PEX6: variants seen among roughly 807,000 people sequenced by gnomAD.
The protein encoded by PEX6 is peroxisomal biogenesis factor 6, also known as peroxisome biogenesis factor 6.
A neutral mutation model predicts 85.6 loss-of-function variants in PEX6; 55 were observed. The observed-to-expected ratio is 0.64, with a 90% CI of 0.52 to 0.80. The LOEUF is 0.80. Ranked by LOEUF, PEX6 falls within the 30% of genes least tolerant of loss-of-function variation. The pLI is 0.00. For synonymous variants in PEX6, 519 were observed against 549.1 expected (o/e 0.95, Z 0.77); for missense variants, 1,099 against 1,260.3 (o/e 0.87, Z 1.94).
At position 42,969,583 on chromosome 6, in the gene PEX6, T is replaced by C. The variant is rs775573944; in HGVS notation, c.1367+85A>G. ...TCCCAATCCCACTCTGGCCAGTTCATTAGGAACTACCCATCTGGCTGCTGC... is the reference window on the plus strand; with the variant it reads ...TCCCAATCCCACTCTGGCCAGTTCACTAGGAACTACCCATCTGGCTGCTGC... On this transcript the variant is annotated intron_variant, in intron 5 of 16. Transcript: ENST00000304611. 8 of 1,554,934 alleles carry C rather than the reference T, an allele frequency of 5.1e-6. No individual in the cohort carries two copies. In the Admixed American group the frequency reaches 1.0e-4, roughly 19 times the overall value.
Position 42,968,251 on chromosome 6 carries a change from G to C in PEX6, c.1688+39C>G, listed in dbSNP as rs1561822319. 2.5e-6 allele frequency: 4 copies of C among 1,569,962 alleles called. No homozygotes were observed. The Admixed American group carries it at 6.7e-5, about 26-fold the overall frequency. On this transcript the variant is annotated intron_variant, in intron 7 of 16. Transcript: ENST00000304611. ...AAGTGTGAGCCACCGCGCCCAGCCG[G>C]CCCCCCCAGCTTTGAGAGGCCCAGC...
rs1260281691 is a variant in PEX6, at chr6:42,964,823, C to G, written c.2773G>C (p.Ala925Pro). 2 of 1,614,026 alleles carry G rather than the reference C, an allele frequency of 1.2e-6. No individual in the cohort carries two copies. The highest frequency in any genetic ancestry group is 1.3e-5 in the African/African-American group (1 of 74,902). Reference protein sequence around the residue: ...YSLCSDAMTAALKRRVHDLEE... With the variant: ...YSLCSDAMTAPLKRRVHDLEE... ...AGGTCATGAACCCTGCGTTTGAGGG[C>G]AGCTGTCATAGCATCAGAGCAGAGA... is the stretch of plus-strand genomic sequence containing the variant. Residue 925 changes from alanine (A) to proline (P), a missense_variant, in exon 16 of 17, where the codon GCC (alanine) becomes CCC (proline). By Grantham distance (27) the Ala-to-Pro change is conservative. Around this residue, in one of 3 missense-constraint regions of PEX6, gnomAD observed 514 missense variants for 627.0 expected, o/e 0.82. Coordinates refer to ENST00000304611, the MANE Select transcript of PEX6 (RefSeq NM_000287.4). The surrounding 1 kb of genome is among the most constrained non-coding windows in gnomAD (Gnocchi z 4.6).
At position 42,974,862 on chromosome 6, in the gene PEX6, T is replaced by C; in HGVS notation, c.1046+13A>G. The C allele has an allele frequency of 6.2e-7, 1 of 1,611,090 alleles. No homozygotes were observed. The highest frequency in any genetic ancestry group is 1.7e-5 in the Admixed American group (1 of 59,976). ...GTGAGAAGCTATCCTCCTTAAAAGG[T>C]TAGGTAGCTAACCTGGGTATCTGAA... On this transcript the variant is annotated intron_variant, in intron 2 of 16. Coordinates refer to ENST00000304611, the MANE Select transcript of PEX6 (RefSeq NM_000287.4).
rs1769996018 is a variant in PEX6 at position 42,969,820 on chromosome 6, A to G, written c.1234-19T>C. The G allele has an allele frequency of 1.2e-6, 2 of 1,613,968 alleles. No individual in the cohort carries two copies. The highest frequency in any genetic ancestry group is 1.3e-5 in the African/African-American group (1 of 74,946). On this transcript the variant is annotated intron_variant, in intron 4 of 16. Coordinates refer to ENST00000304611, the MANE Select transcript of PEX6 (RefSeq NM_000287.4). ...AACCCACCTGTGAAAGGTAATAAAA[A>G]GCTTTCGTTTCTAAAAATCGTTTCT...
Position 42,965,421 on chromosome 6 carries a change from C to T in PEX6, c.2472-53G>A, listed in dbSNP as rs766181165. 6.0e-6 allele frequency: 8 copies of T among 1,340,178 alleles called. No individual in the cohort carries two copies. The highest frequency in any genetic ancestry group is 8.6e-6 in the Non-Finnish European group (8 of 932,312). 83.0% of individuals were successfully genotyped at this position (1,340,178 alleles called of 1,614,324 possible). A position where few individuals can be genotyped will look rare whatever the true frequency, so the allele number is the denominator to read the frequency against. ...TCCTTGGTGTCCCCCTTAGACTCTG[C>T]CCCTGCCTGTGGTACCTCTCTTTAC... On this transcript the variant is annotated intron_variant, in intron 13 of 16. Transcript: ENST00000304611. This position sits in a 1 kb window ranked among gnomAD's most constrained non-coding sequence, Gnocchi z 5.0.
chr6:42,966,841 A>G lies in PEX6; in HGVS notation c.1902T>C (p.Asp634=), dbSNP rs761653474. ...ARRCAGFVVG[D]LYALLTHSSR... is the part of the protein sequence containing the mutation. ...TGCTGTGGGTCAGAAGGGCATAGAG[A>G]TCCCCTACCACAAAGCCCTAGGGAA... Residue 634 remains aspartate (D), a synonymous_variant, in exon 9 of 17, where the codon GAT becomes GAC. Transcript: ENST00000304611. 3.1e-6 allele frequency: 5 copies of G among 1,612,972 alleles called. No homozygotes were observed. Among genetic ancestry groups the G allele is most frequent in the Non-Finnish European group, 3.4e-6 (4 of 1,179,958 alleles).
Position 42,974,856 on chromosome 6 carries a change from A to G in PEX6, c.1046+19T>C, listed in dbSNP as rs754460101. On this transcript the variant is annotated intron_variant, in intron 2 of 16. Coordinates refer to ENST00000304611, the MANE Select transcript of PEX6 (RefSeq NM_000287.4). ...ATGAGGGTGAGAAGCTATCCTCCTT[A>G]AAAGGTTAGGTAGCTAACCTGGGTA... 4 of 1,605,216 alleles carry G rather than the reference A, an allele frequency of 2.5e-6. No individual in the cohort carries two copies. Among genetic ancestry groups the G allele is most frequent in the South Asian group, 2.2e-5 (2 of 90,888 alleles).
At chr6:42,970,954 GA>G (rs1378119107) in intron 3 of PEX6, among the ~76,000 whole-genome samples, 5 of 152,170 alleles carry the variant, frequency 3.3e-5, no homozygotes, top group Non-Finnish European at 1.5e-5. Context: ...TGGGTAGCAG[GA>G]ACAGCTACTA....
At chr6:42,969,006 T>G in intron 5 of PEX6, 21 bp from the exon 6 acceptor site, 1 of 1,528,442 alleles carries the variant, frequency 6.5e-7, no homozygotes, top group Non-Finnish European at 9.1e-7. Flanking sequence ...AGAACAGACA[T>G]TCGTCTCCTT....
intron 8 of PEX6, 21 bp downstream of exon 8, chr6:42,967,347 G>A (rs1350299588): frequency 6.2e-7 from 1 of 1,604,916 alleles, no homozygotes; most frequent in Admixed American, 1.7e-5. Context: ...GGGAGGGCCA[G>A]TACTCTCCCT....
At chr6:42,977,659 A>G (rs1024024414) in intron 1 of PEX6, among the ~76,000 whole-genome samples, 11 of 146,398 alleles carry the variant, frequency 7.5e-5, no homozygotes, top group African/African-American at 2.7e-4. Flanking sequence ...GCGAGCCAGT[A>G]GTAGGAGGCT....
chr6:42,974,087 C>A lies in PEX6; in HGVS notation c.1047-1G>T. ...TAGAACATCCCCTTCCTGGACTACC[C>A]TGCAACACAGCAGTGGCCCTGGTCA... On this transcript the variant is annotated splice_acceptor_variant, in intron 2 of 16. Coordinates refer to ENST00000304611, the MANE Select transcript of PEX6 (RefSeq NM_000287.4). LOFTEE classifies it high-confidence loss of function. 1 of 1,612,934 alleles carries A rather than the reference C, an allele frequency of 6.2e-7. No homozygotes were observed. Among genetic ancestry groups the A allele is most frequent in the Non-Finnish European group, 8.5e-7 (1 of 1,179,002 alleles).
intron 5 of PEX6, among the ~76,000 whole-genome samples, chr6:42,969,392 C>T (rs1255330855): frequency 6.6e-6 from 1 of 152,138 alleles, no homozygotes; most frequent in African/African-American, 2.4e-5. Context: ...AGTGAGCTCC[C>T]CAAGGGGAAG....
rs575358435 is a variant in PEX6 at position 42,964,355 on chromosome 6, G to A, written c.2923C>T (p.Arg975Cys). 2.4e-5 allele frequency: 38 copies of A among 1,613,778 alleles called. No individual in the cohort carries two copies. The highest frequency in any genetic ancestry group is 4.0e-5 in the African/African-American group (3 of 75,066). Residue 975 changes from arginine to cysteine, a missense_variant, in exon 17 of 17, where the codon CGC (arginine) becomes TGC (cysteine). This residue lies in a region of PEX6 where 514 missense variants were observed against 627.0 expected (regional missense o/e 0.82). Coordinates refer to ENST00000304611, the MANE Select transcript of PEX6 (RefSeq NM_000287.4). The surrounding 1 kb of genome is among the most constrained non-coding windows in gnomAD (Gnocchi z 4.6). ...QELLRYKRIQ[R>C]KFAAC ...GGCTCCTAGCAGGCAGCAAACTTGC[G>A]CTGGATGCGCTTGTACCGGAGCAGC... is the stretch of plus-strand genomic sequence containing the variant.
rs140769712 is a variant in PEX6 at position 42,967,534 on chromosome 6, G to A, written c.1718C>T (p.Thr573Ile). 3,158 of 1,605,452 alleles carry A rather than the reference G, an allele frequency of 2.0e-3. 8 individuals are homozygous for A. Among genetic ancestry groups the A allele is most frequent in the Non-Finnish European group, 2.6e-3 (3,002 of 1,176,690 alleles). Residue 573 changes from threonine (T) to isoleucine (I), a missense_variant, in exon 8 of 17, where the codon ACA becomes ATA. By Grantham distance (89) the Thr-to-Ile change is moderately conservative. Transcript: ENST00000304611. ...SCPPLMVVATTSRAQDLPADV... is the reference protein window; with the variant it reads ...SCPPLMVVATISRAQDLPADV... The stretch of plus-strand genomic sequence containing the variant: ...AGCAGGCAGGTCCTGGGCCCGGCTT[G>A]TGGTGGCCACAACCATGAGGGGAGG...
chr6:42,966,740 C>T, intron 9 of PEX6, 42 bp downstream of exon 9: 1 of 1,613,724 alleles, frequency 6.2e-7, no homozygotes, highest in Non-Finnish European at 8.5e-7. Context: ...CCATCTACAT[C>T]CATTTCCTCT....
Position 42,965,459 on chromosome 6 carries a change from C to T in PEX6, c.2472-91G>A. ...TACCTCTCTTTACAGGCAGTCTCAACAGGGCCCTCCACTCAGCTGTGCCCA... is the reference window on the plus strand; with the variant it reads ...TACCTCTCTTTACAGGCAGTCTCAATAGGGCCCTCCACTCAGCTGTGCCCA... On this transcript the variant is annotated intron_variant, in intron 13 of 16. Coordinates refer to ENST00000304611, the MANE Select transcript of PEX6 (RefSeq NM_000287.4). This position sits in a 1 kb window ranked among gnomAD's most constrained non-coding sequence, Gnocchi z 5.0. 9.6e-7 allele frequency: 1 copy of T among 1,037,948 alleles called. No individual in the cohort carries two copies. Among genetic ancestry groups the T allele is most frequent in the Non-Finnish European group, 1.5e-6 (1 of 658,504 alleles). The allele number at this position is 1,037,948 out of a possible 1,614,324, so 64.3% of individuals were successfully genotyped here. A position where few individuals can be genotyped will look rare whatever the true frequency, so the allele number is the denominator to read the frequency against.
chr6:42,975,900 T>A (rs1304200226), intron 1 of PEX6, among the ~76,000 whole-genome samples: 1 of 151,844 alleles, frequency 6.6e-6, no homozygotes. Flanking sequence ...GGGTTTTATT[T>A]TTTTCTTGAG....
chr6:42,974,032 G>C lies in PEX6; in HGVS notation c.1101C>G (p.Ile367Met), dbSNP rs1354280855. 1 of 1,613,876 alleles carries C rather than the reference G, an allele frequency of 6.2e-7. No homozygotes were observed. Among genetic ancestry groups the C allele is most frequent in the Non-Finnish European group, 8.5e-7 (1 of 1,179,898 alleles). ...GCAGTTTCTCTGGACTTCCTTCCAG[G>C]ATCTCTACTTGCCCAATTGTTGGCA... The part of the protein sequence containing the change: ...LCVPTIGQVE[I>M]LEGSPEKLPR... The change falls in exon 3 of 17, where the codon ATC (isoleucine) becomes ATG (methionine). Residue 367 changes from isoleucine (I) to methionine (M), a missense_variant. This residue lies in a region of PEX6 where 579 missense variants were observed against 611.6 expected (regional missense o/e 0.95). Transcript: ENST00000304611.
Sources: allele counts gnomAD v4.1 joint callset (sites outside exome capture counted in the v4.1 genomes callset), GRCh38; gene constraint gnomAD v4.1.1; regional missense constraint gnomAD v4.1.1; non-coding constraint Gnocchi (gnomAD v3.1); transcripts MANE v1.5; gene names NCBI Gene and HGNC (gene_info 2026-07-23, HGNC 2026-07-21).